PDSS2: variants seen among roughly 807,000 people sequenced by gnomAD.
PDSS2 encodes the protein all trans-polyprenyl-diphosphate synthase PDSS2.
Under a neutral mutation model 44.5 loss-of-function variants are expected in PDSS2, and 31 were observed. The ratio of observed to expected loss-of-function variants is 0.70; its 90% CI spans 0.52 to 0.94. PDSS2 has a LOEUF of 0.94. Ranked by LOEUF, PDSS2 falls within the 40% of genes least tolerant of loss-of-function variation. The pLI, the probability that PDSS2 is intolerant of heterozygous loss-of-function variation, is 0.00. For missense variants in PDSS2, 452 were observed against 482.2 expected (o/e 0.94, Z 0.59); for synonymous variants, 157 against 180.3 (o/e 0.87, Z 1.03).
At chr6:107,361,566 T>G (rs1433312389) in intron 1 of PDSS2, among the ~76,000 whole-genome samples, 2 of 152,214 alleles carry the variant, frequency 1.3e-5, no homozygotes, top group Non-Finnish European at 2.9e-5. Context: ...TTTACACAAT[T>G]AAACTACGCC....
At chr6:107,291,527 T>C (rs1391496297) in intron 2 of PDSS2, among the ~76,000 whole-genome samples, 1 of 28,430 alleles carries the variant, frequency 3.5e-5, no homozygotes, top group African/African-American at 9.0e-5. Flanking sequence ...TTTAGTTAGT[T>C]TTTTTTTTTT....
chr6:107,376,758 C>T (rs1248624052), intron 1 of PDSS2, among the ~76,000 whole-genome samples: 1 of 152,018 alleles, frequency 6.6e-6, no homozygotes. Context: ...ATTTCCTTCT[C>T]CTGCCTAATT....
intron 7 of PDSS2, among the ~76,000 whole-genome samples, chr6:107,168,949 T>C (rs1366315680): frequency 4.6e-5 from 7 of 152,174 alleles, no homozygotes; most frequent in Non-Finnish European, 7.3e-5. Context: ...CTGACAATTA[T>C]GCGTCTTGGA....
intron 1 of PDSS2, among the ~76,000 whole-genome samples, chr6:107,391,803 G>A (rs191177): frequency 0.38 from 56,928 of 150,998 alleles, 13,193 homozygotes; most frequent in Middle Eastern, 0.64. Context: ...TTTCTTATGC[G>A]CCAGCACTTT....
chr6:107,374,941 AG>A (rs1396372704), intron 1 of PDSS2, among the ~76,000 whole-genome samples: 1 of 152,140 alleles, frequency 6.6e-6, no homozygotes, highest in African/African-American at 2.4e-5. Flanking sequence ...GATCAGTAAT[AG>A]GAAGATATCT....
At chr6:107,288,432 T>A (rs1192691708) in intron 2 of PDSS2, among the ~76,000 whole-genome samples, 1 of 152,170 alleles carries the variant, frequency 6.6e-6, no homozygotes, top group Non-Finnish European at 1.5e-5. Context: ...ACAAGTTGAT[T>A]TTCGGAGAAA....
intron 7 of PDSS2, among the ~76,000 whole-genome samples, chr6:107,187,596 A>G (rs9398122): frequency 0.24 from 36,972 of 151,726 alleles, 5,540 homozygotes; most frequent in East Asian, 0.54. Context: ...CCCAGGAGGC[A>G]GAGGTTGCAG....
chr6:107,368,030 G>C (rs561108187), intron 1 of PDSS2, among the ~76,000 whole-genome samples: 1 of 152,164 alleles, frequency 6.6e-6, no homozygotes, highest in South Asian at 2.1e-4. Flanking sequence ...CAGCACTTTG[G>C]GAGGTCAAGG....
intron 4 of PDSS2, among the ~76,000 whole-genome samples, chr6:107,225,137 T>TTATATATA (rs1554256031): frequency 1.6e-4 from 10 of 62,386 alleles, no homozygotes; most frequent in African/African-American, 2.9e-4. Flanking sequence ...ATATATATTT[T>TTATATATA]TATATATATA....
At chr6:107,210,205 GT>G (rs1773150270) in intron 6 of PDSS2, among the ~76,000 whole-genome samples, 1 of 152,156 alleles carries the variant, frequency 6.6e-6, no homozygotes, top group Non-Finnish European at 1.5e-5. Flanking sequence ...ACAGGCACTA[GT>G]TTTGTGTTGC....
At chr6:107,402,453 CATATATAT>C (rs1199498025) in intron 1 of PDSS2, among the ~76,000 whole-genome samples, 1,154 of 6,622 alleles carry the variant, frequency 0.17, 49 homozygotes, top group Middle Eastern at 0.25. Flanking sequence ...CACACACACA[CATATATAT>C]ACGTATATAT....
rs71012783 is a variant in PDSS2 at position 107,173,572 on chromosome 6, C to CAAAAAAA, written c.1042-18802_1042-18796dup. Reference sequence around the variant, plus strand: ...CTGGTGATGGAATGAGACTCTGTCTCAAAAAAAAAAAAAAAAAAAAAAAAA... The same window carrying CAAAAAAA: ...CTGGTGATGGAATGAGACTCTGTCTCAAAAAAAAAAAAAAAAAAAAAAAAAAAAAAAA... On this transcript the variant is annotated intron_variant, in intron 7 of 7. Coordinates refer to ENST00000369037, the MANE Select transcript of PDSS2 (RefSeq NM_020381.4). Among the ~76,000 whole-genome samples, 48 of 41,496 alleles carry CAAAAAAA rather than the reference C, an allele frequency of 1.2e-3. 8 individuals are homozygous for CAAAAAAA. Among genetic ancestry groups the CAAAAAAA allele is most frequent in the African/African-American group, 3.1e-3 (25 of 7,972 alleles). 27.2% of individuals were successfully genotyped at this position (41,496 alleles called of 152,430 possible). A position where few individuals can be genotyped will look rare whatever the true frequency, so the allele number is the denominator to read the frequency against.
intron 2 of PDSS2, among the ~76,000 whole-genome samples, chr6:107,302,342 T>C (rs920218073): frequency 2.0e-5 from 3 of 151,948 alleles, no homozygotes; most frequent in Non-Finnish European, 4.4e-5. Context: ...AGTGTGATCA[T>C]AGCCTACTGC....
intron 1 of PDSS2, among the ~76,000 whole-genome samples, chr6:107,371,945 T>G (rs935047193): frequency 6.6e-6 from 1 of 152,198 alleles, no homozygotes; most frequent in Non-Finnish European, 1.5e-5. Context: ...GTAAAGAATC[T>G]GATATTCAGA....
At chr6:107,347,915 A>G (rs1778304800) in intron 1 of PDSS2, among the ~76,000 whole-genome samples, 2 of 152,210 alleles carry the variant, frequency 1.3e-5, no homozygotes, top group Admixed American at 1.3e-4. Context: ...GGACTAGGAA[A>G]TGTTGAAAAT....
intron 1 of PDSS2, among the ~76,000 whole-genome samples, chr6:107,395,335 C>T (rs1310618273): frequency 1.3e-5 from 2 of 152,032 alleles, no homozygotes; most frequent in Admixed American, 6.6e-5. Flanking sequence ...TTATGCTTTC[C>T]ATCACATATG....
chr6:107,450,793 G>A (rs1157680857), intron 1 of PDSS2, among the ~76,000 whole-genome samples: 1 of 152,134 alleles, frequency 6.6e-6, no homozygotes, highest in East Asian at 1.9e-4. Context: ...GAGTCTGATT[G>A]CTGGGCTACA....
intron 1 of PDSS2, among the ~76,000 whole-genome samples, chr6:107,381,265 T>A (rs892294413): frequency 4.6e-5 from 7 of 152,324 alleles, no homozygotes; most frequent in African/African-American, 1.7e-4. Flanking sequence ...ATCCAGCCCA[T>A]CTTTCTTGTT....
At chr6:107,209,796 C>T (rs1773134100) in intron 6 of PDSS2, among the ~76,000 whole-genome samples, 1 of 151,984 alleles carries the variant, frequency 6.6e-6, no homozygotes, top group South Asian at 2.1e-4. Flanking sequence ...TCAGATTAAC[C>T]CAACCAATTA....
Sources: allele counts gnomAD v4.1 joint callset (sites outside exome capture counted in the v4.1 genomes callset), GRCh38; gene constraint gnomAD v4.1.1; transcripts MANE v1.5; gene names NCBI Gene and HGNC (gene_info 2026-07-23, HGNC 2026-07-21).